The following CCDC9 variants were observed in gnomAD, a reference collection of about 807,000 sequenced individuals.
CCDC9 encodes the protein coiled-coil domain-containing protein 9.
Under a neutral mutation model 65.6 loss-of-function variants are expected in CCDC9, and 52 were observed. That is an observed-to-expected ratio of 0.79 (90% CI 0.63 to 1.00). The LOEUF is 1.00. Among genes scored for constraint, CCDC9 ranks in the 50% least tolerant of loss-of-function variants. The pLI is 0.00. For missense variants in CCDC9, 834 were observed against 757.2 expected (o/e 1.10, Z -1.19); for synonymous variants, 332 against 280.3 (o/e 1.18, Z -1.84).
At chr19:47,271,991 C>A, downstream of CCDC9, 1 of 1,249,690 alleles carries the variant, frequency 8.0e-7, no homozygotes, top group African/African-American at 1.5e-5. Flanking sequence ...CCCCCTTCAA[C>A]TCCCCCTGGG....
intron 10 of CCDC9, 110 bp downstream of exon 10, chr19:47,270,798 C>A (rs2059111876): frequency 1.6e-6 from 2 of 1,285,790 alleles, no homozygotes; most frequent in African/African-American, 3.0e-5. Context: ...CTGTCTTTGT[C>A]TTGGCCCTGT....
Position 47,271,718 on chromosome 19 carries a change from TGTGTGTGTGTGTGTGCGCGCGCGCGCGC to T in CCDC9, c.*42_*69del, listed in dbSNP as rs751015816. On this transcript the variant is annotated 3_prime_UTR_variant, in exon 12 of 12. Coordinates refer to ENST00000221922, the MANE Select transcript of CCDC9 (RefSeq NM_015603.3). ...GTGTGTGTGTGTGTGTGTGTGTGTGTGTGTGTGTGTGTGTGCGCGCGCGCGCGCGCGCGCGCGCGCGCTAGAGGGGTGT... is the reference window on the plus strand; with the variant it reads ...GTGTGTGTGTGTGTGTGTGTGTGTGTGCGCGCGCGCGCGCTAGAGGGGTGT... 1.2e-4 allele frequency: 163 copies of T among 1,382,002 alleles called. No individual in the cohort carries two copies. Among genetic ancestry groups the T allele is most frequent in the South Asian group, 3.0e-4 (22 of 72,326 alleles). 85.6% of individuals were successfully genotyped at this position (1,382,002 alleles called of 1,614,324 possible).
downstream of CCDC9, chr19:47,273,928 C>T (rs562563980): frequency 2.6e-5 from 25 of 973,398 alleles, no homozygotes; most frequent in Non-Finnish European, 2.9e-5. Context: ...GGGTCTTCCT[C>T]CACCCTTCTG....
At chr19:47,272,942 A>C (rs573050275), downstream of CCDC9, among the ~76,000 whole-genome samples, 5 of 148,638 alleles carry the variant, frequency 3.4e-5, no homozygotes, top group South Asian at 1.1e-3. Flanking sequence ...GAGCCAAGGA[A>C]GGACTGGTTA....
chr19:47,271,430 C>T lies in CCDC9; in HGVS notation c.1348C>T (p.His450Tyr), dbSNP rs1389660306. 2 of 1,613,904 alleles carry T rather than the reference C, an allele frequency of 1.2e-6. No individual in the cohort carries two copies. Among genetic ancestry groups the T allele is most frequent in the Non-Finnish European group, 1.7e-6 (2 of 1,179,970 alleles). The change falls in exon 12 of 12, where the codon CAC (histidine) becomes TAC (tyrosine). Residue 450 changes from histidine to tyrosine, a missense_variant. Coordinates refer to ENST00000221922, the MANE Select transcript of CCDC9 (RefSeq NM_015603.3). ...EGDEEEPAQD[H>Y]QAPEAAPTGI... is the part of the protein sequence containing the mutation. ...TGATGAGGAGGAACCAGCCCAAGAC[C>T]ACCAAGCCCCAGAGGCTGCCCCCAC...
downstream of CCDC9, chr19:47,271,972 G>C (rs1228933633): frequency 3.2e-6 from 4 of 1,265,568 alleles, no homozygotes; most frequent in Non-Finnish European, 4.0e-6. Context: ...CCCCAGGTGT[G>C]TCCTTGAACC....
chr19:47,264,770 C>A lies in CCDC9; in HGVS notation c.547-3C>A. On this transcript the variant is annotated splice_polypyrimidine_tract_variant and splice_region_variant and intron_variant, in intron 6 of 11. Transcript: ENST00000221922. ...CGCCAACCCCCTGCTCTGCTGCCTG[C>A]AGGAAGGGGTTCTTGAACCCAACCC... 1 of 1,605,094 alleles carries A rather than the reference C, an allele frequency of 6.2e-7. No homozygotes were observed. Among genetic ancestry groups the A allele is most frequent in the Middle Eastern group, 1.7e-4 (1 of 6,020 alleles).
At chr19:47,272,083 G>A (rs1302326811), downstream of CCDC9, 4 of 1,236,468 alleles carry the variant, frequency 3.2e-6, no homozygotes, top group Non-Finnish European at 4.0e-6. Flanking sequence ...TGGCCAGTCA[G>A]CCCCTGCCTT....
chr19:47,274,885 G>A (rs1365790619), downstream of CCDC9: 11 of 1,247,264 alleles, frequency 8.8e-6, no homozygotes, highest in South Asian at 3.2e-5. Flanking sequence ...CGGGGCCTGT[G>A]CGGTCTGCGG....
intron 3 of CCDC9, among the ~76,000 whole-genome samples, chr19:47,259,492 C>T (rs1273390919): frequency 6.6e-6 from 1 of 151,952 alleles, no homozygotes; most frequent in African/African-American, 2.4e-5. Context: ...CAGGGCAGGG[C>T]TGTTGAGAGG....
chr19:47,262,210 C>CTT (rs60699350), intron 5 of CCDC9, among the ~76,000 whole-genome samples: 7 of 111,970 alleles, frequency 6.3e-5, no homozygotes, highest in African/African-American at 1.3e-4. Context: ...CAGGTTCCTG[C>CTT]TTTTTTTTTT....
intron 8 of CCDC9, 57 bp from the exon 9 acceptor site, chr19:47,270,350 G>T (rs2123478907): frequency 6.4e-7 from 1 of 1,560,918 alleles, no homozygotes. Context: ...CCATCTTCTT[G>T]ATCCTCTTGT....
rs145980673 is a variant in CCDC9 at position 47,260,536 on chromosome 19, C to T, written c.211-52C>T. 70 of 1,566,588 alleles carry T rather than the reference C, an allele frequency of 4.5e-5. No homozygotes were observed. In the African/African-American group the frequency reaches 4.5e-4, roughly 10 times the overall value. On this transcript the variant is annotated intron_variant, in intron 4 of 11. Coordinates refer to ENST00000221922, the MANE Select transcript of CCDC9 (RefSeq NM_015603.3). Reference sequence around the variant, plus strand: ...ACCAGTGGGTGGCCTCCATCCTGGCCGCATGCCTCCCTGCCCCAGTGACTG... The same window carrying T: ...ACCAGTGGGTGGCCTCCATCCTGGCTGCATGCCTCCCTGCCCCAGTGACTG...
chr19:47,266,950 G>A (rs780388556), intron 8 of CCDC9, among the ~76,000 whole-genome samples, 158 bp downstream of exon 8: 3 of 152,134 alleles, frequency 2.0e-5, no homozygotes, highest in Non-Finnish European at 4.4e-5. Context: ...TCAGCGGCAC[G>A]TGAGAGCATT....
At chr19:47,268,627 G>A (rs1166817147) in intron 8 of CCDC9, among the ~76,000 whole-genome samples, 1 of 152,024 alleles carries the variant, frequency 6.6e-6, no homozygotes, top group Non-Finnish European at 1.5e-5. Flanking sequence ...GATGAATAAT[G>A]TTTGTGTGGG....
chr19:47,265,964 G>C (rs2123465132), intron 7 of CCDC9, among the ~76,000 whole-genome samples: 1 of 143,008 alleles, frequency 7.0e-6, no homozygotes, highest in Non-Finnish European at 1.5e-5. Context: ...GAGATTACAG[G>C]CGTGAGCCAC....
Position 47,271,862 on chromosome 19 carries a change from T to C in CCDC9, c.*184T>C, listed in dbSNP as rs1219103731. ...GGGGGTAGCGCAGCCCATGCTCTTC[T>C]GTACTGTCATGCCCGTCTCTGGAAT... On this transcript the variant is annotated 3_prime_UTR_variant, in exon 12 of 12. Transcript: ENST00000221922. 1 of 1,377,758 alleles carries C rather than the reference T, an allele frequency of 7.3e-7. No individual in the cohort carries two copies. Among genetic ancestry groups the C allele is most frequent in the South Asian group, 1.9e-5 (1 of 53,852 alleles). 85.3% of individuals were successfully genotyped at this position (1,377,758 alleles called of 1,614,324 possible).
At chr19:47,273,928 C>G (rs562563980), downstream of CCDC9, 22 of 973,516 alleles carry the variant, frequency 2.3e-5, no homozygotes, top group Middle Eastern at 5.3e-4. Context: ...GGGTCTTCCT[C>G]CACCCTTCTG....
At chr19:47,257,667 C>G (rs1489476150) in intron 1 of CCDC9, 1 of 153,180 alleles carries the variant, frequency 6.5e-6, no homozygotes, top group African/African-American at 2.4e-5. Flanking sequence ...GAGTTCTGGG[C>G]CTGTGTACAG....
Sources: allele counts gnomAD v4.1 joint callset (sites outside exome capture counted in the v4.1 genomes callset), GRCh38; gene constraint gnomAD v4.1.1; transcripts MANE v1.5; gene names NCBI Gene and HGNC (gene_info 2026-07-23, HGNC 2026-07-21).